Variants in ANKRD28 observed in about 807,000 individuals in gnomAD.
The protein encoded by ANKRD28 is serine/threonine-protein phosphatase 6 regulatory ankyrin repeat subunit A.
ANKRD28 carries 44 observed loss-of-function variants against 126.5 expected under a neutral mutation model. The observed-to-expected ratio is 0.35, with a 90% CI of 0.27 to 0.45. ANKRD28 has a LOEUF of 0.45. Among genes scored for constraint, ANKRD28 ranks in the 20% least tolerant of loss-of-function variants. ANKRD28 has a pLI of 1.00. For synonymous variants in ANKRD28, 442 were observed against 468.5 expected (o/e 0.94, Z 0.73); for missense variants, 1,110 against 1,316.6 (o/e 0.84, Z 2.43).
At chr3:15,784,400 G>A (rs925530178) in intron 2 of ANKRD28, among the ~76,000 whole-genome samples, 7 of 151,856 alleles carry the variant, frequency 4.6e-5, no homozygotes, top group Non-Finnish European at 1.5e-5. Flanking sequence ...GGATTCTTTT[G>A]TTGTTAGATC....
chr3:15,676,983 G>C lies in ANKRD28; in HGVS notation c.2864C>G (p.Ala955Gly), dbSNP rs998010675. 2 of 1,611,124 alleles carry C rather than the reference G, an allele frequency of 1.2e-6. No homozygotes were observed. Among genetic ancestry groups the C allele is most frequent in the African/African-American group, 1.3e-5 (1 of 74,412 alleles). Residue 955 changes from alanine (A) to glycine (G), a missense_variant, in exon 26 of 28, where the codon GCC (alanine) becomes GGC (glycine). Transcript: ENST00000683139. ...DRNLINATNA[A>G]LQTPLHVAAR... ...TACTGACAGTACTCACGTTTGCAAG[G>C]CTGCGTTGGTTGCATTGATGAGGTT... is the stretch of plus-strand genomic sequence containing the variant.
At chr3:15,804,299 G>C (rs1472444564) in intron 1 of ANKRD28, among the ~76,000 whole-genome samples, 2 of 145,396 alleles carry the variant, frequency 1.4e-5, no homozygotes, top group Non-Finnish European at 3.0e-5. Flanking sequence ...TCATAGGAAA[G>C]AGTGTAGCAT....
intron 1 of ANKRD28, among the ~76,000 whole-genome samples, chr3:15,819,487 G>A (rs1377222772): frequency 1.3e-5 from 2 of 152,054 alleles, no homozygotes; most frequent in East Asian, 3.9e-4. Flanking sequence ...GGAAAATGAG[G>A]GTAACTGATA....
At chr3:15,703,123 G>A (rs1575253513) in intron 14 of ANKRD28, among the ~76,000 whole-genome samples, 1 of 151,990 alleles carries the variant, frequency 6.6e-6, no homozygotes, top group Non-Finnish European at 1.5e-5. Context: ...ACATACAAAA[G>A]GCAAATATAT....
At chr3:15,787,806 A>G (rs1374603161) in intron 2 of ANKRD28, among the ~76,000 whole-genome samples, 1 of 152,236 alleles carries the variant, frequency 6.6e-6, no homozygotes, top group Admixed American at 6.5e-5. Context: ...GTATTTGCTG[A>G]GCACTTCATG....
chr3:15,802,467 T>C (rs891959662), upstream of ANKRD28, among the ~76,000 whole-genome samples: 1 of 152,242 alleles, frequency 6.6e-6, no homozygotes, highest in African/African-American at 2.4e-5. Flanking sequence ...CTCTAAATGA[T>C]AATCTTACTC....
At position 15,679,368 on chromosome 3, in the gene ANKRD28, C is replaced by T. The variant is rs2067282755; in HGVS notation, c.2494G>A (p.Gly832Ser). Residue 832 changes from glycine (G) to serine (S), a missense_variant, in exon 23 of 28, where the codon GGT becomes AGT. Coordinates refer to ENST00000683139, the MANE Select transcript of ANKRD28 (RefSeq NM_001349278.2). Reference sequence around the variant, plus strand: ...GTATCAATTAACATCTCAGCAGCACCTTCGTTGTCATTTATCCTGTGTAAG... The same window carrying T: ...GTATCAATTAACATCTCAGCAGCACTTTCGTTGTCATTTATCCTGTGTAAG... The part of the protein sequence containing the change: ...LHCAVINDNE[G>S]AAEMLIDTLG... 1.2e-6 allele frequency: 2 copies of T among 1,613,858 alleles called. No homozygotes were observed. Among genetic ancestry groups the T allele is most frequent in the African/African-American group, 1.3e-5 (1 of 74,900 alleles).
rs1292672269 is a variant in ANKRD28, at chr3:15,859,553, C to A, written c.-150G>T. On this transcript the variant is annotated 5_prime_UTR_variant, in exon 1 of 28. Transcript: ENST00000399451. ...CGACTGCGCTGAGAAGACCTGCGGG[C>A]AGGGGGCGGCGCCGCCTCCCCGGCC... 2 of 470,532 alleles carry A rather than the reference C, an allele frequency of 4.3e-6. 1 individual carries two copies. The highest frequency in any genetic ancestry group is 1.8e-4 in the South Asian group (2 of 11,322). The allele number at this position is 470,532 out of a possible 1,614,324, so 29.1% of individuals were successfully genotyped here. A position where few individuals can be genotyped will look rare whatever the true frequency, so the allele number is the denominator to read the frequency against.
chr3:15,739,861 A>G (rs2075316030), intron 4 of ANKRD28, among the ~76,000 whole-genome samples: 1 of 152,220 alleles, frequency 6.6e-6, no homozygotes, highest in South Asian at 2.1e-4. Flanking sequence ...TCGAATTGCT[A>G]AGGAAGTCAG....
intron 2 of ANKRD28, among the ~76,000 whole-genome samples, chr3:15,773,136 A>T (rs1486146575): frequency 7.4e-6 from 1 of 135,910 alleles, no homozygotes; most frequent in Non-Finnish European, 1.5e-5. Flanking sequence ...CAAGGAATCT[A>T]AAAAAAAAAA....
At chr3:15,824,731 G>A (rs2061021700) in intron 1 of ANKRD28, among the ~76,000 whole-genome samples, 1 of 152,250 alleles carries the variant, frequency 6.6e-6, no homozygotes, top group South Asian at 2.1e-4. Flanking sequence ...TGTGCTGAGT[G>A]TGTGCATGTG....
rs1408651118 is a variant in ANKRD28 at position 15,830,660 on chromosome 3, T to C, written c.27+28717A>G. Among the ~76,000 whole-genome samples the C allele has an allele frequency of 6.6e-6, 1 of 150,886 alleles. No individual in the cohort carries two copies. Among genetic ancestry groups the C allele is most frequent in the Non-Finnish European group, 1.5e-5 (1 of 67,836 alleles). ...AAAACACTGGGGACTGCTGCAGTAA[T>C]GGATTAATTTTGGCCAAAGAAAGGT... On this transcript the variant is annotated intron_variant, in intron 1 of 27. Coordinates refer to the ANKRD28 transcript ENST00000399451. The surrounding 1 kb of genome is among the most constrained non-coding windows in gnomAD (Gnocchi z 4.5).
rs1262699309 is a variant in ANKRD28, at chr3:15,780,128, T to C, written c.202-13816A>G. Among the ~76,000 whole-genome samples, 6 of 151,968 alleles carry C rather than the reference T, an allele frequency of 3.9e-5. No individual in the cohort carries two copies. In the East Asian group the frequency reaches 1.2e-3, roughly 29 times the overall value. On this transcript the variant is annotated intron_variant, in intron 2 of 27. Coordinates refer to ENST00000683139, the MANE Select transcript of ANKRD28 (RefSeq NM_001349278.2). ...GGCATCCTAATAAAAAAGAAAGAAA[T>C]GAAATTTTATTTGCAGACATGATCT...
intron 3 of ANKRD28, among the ~76,000 whole-genome samples, chr3:15,753,732 C>G (rs1201561802): frequency 7.0e-6 from 1 of 142,804 alleles, no homozygotes; most frequent in African/African-American, 3.0e-5. Flanking sequence ...TGCTTGAAGA[C>G]AGGAGTTCAA....
intron 17 of ANKRD28, 39 bp from the exon 18 acceptor site, chr3:15,690,259 T>C (rs2068620580): frequency 6.8e-7 from 1 of 1,465,998 alleles, no homozygotes; most frequent in Non-Finnish European, 9.2e-7. Flanking sequence ...AACATACATA[T>C]TTAGACTGAC....
chr3:15,696,061 T>G, intron 15 of ANKRD28, 73 bp downstream of exon 15: 1 of 1,028,074 alleles, frequency 9.7e-7, no homozygotes, highest in Non-Finnish European at 1.4e-6. Context: ...CTTGATCCAT[T>G]TATTCTCATT....
chr3:15,853,027 A>T lies in ANKRD28; in HGVS notation c.27+6350T>A, dbSNP rs1057225887. Among the ~76,000 whole-genome samples, 5 of 152,110 alleles carry T rather than the reference A, an allele frequency of 3.3e-5. No individual in the cohort carries two copies. The highest frequency in any genetic ancestry group is 1.2e-4 in the African/African-American group (5 of 41,404). On this transcript the variant is annotated intron_variant, in intron 1 of 27. Transcript: ENST00000399451. The surrounding 1 kb of genome is among the most constrained non-coding windows in gnomAD (Gnocchi z 4.2). The stretch of plus-strand genomic sequence containing the variant: ...AAGGAGGGTGGATGAATAATTTAAT[A>T]GCATAACTAAGAATTGGGGATGAGG...
At chr3:15,808,566 C>A (rs143993960) in intron 1 of ANKRD28, among the ~76,000 whole-genome samples, 12 of 152,304 alleles carry the variant, frequency 7.9e-5, no homozygotes, top group African/African-American at 2.4e-4. Context: ...ATCAAATCTT[C>A]AAGACTTTGC....
Position 15,838,372 on chromosome 3 carries a change from T to C in ANKRD28, c.27+21005A>G, listed in dbSNP as rs977180168. On this transcript the variant is annotated intron_variant, in intron 1 of 27. Coordinates refer to the ANKRD28 transcript ENST00000399451. This position sits in a 1 kb window ranked among gnomAD's most constrained non-coding sequence, Gnocchi z 4.0. ...GCAAACCAAATCCAGCAGCATACAA[T>C]AGGAATCATACAAATTGGCTATTCT... is the stretch of plus-strand genomic sequence containing the variant. Among the ~76,000 whole-genome samples, 5 of 152,146 alleles carry C rather than the reference T, an allele frequency of 3.3e-5. No homozygotes were observed. The East Asian group carries it at 7.7e-4, about 23-fold the overall frequency.
Sources: gnomAD v4.1 joint callset for allele counts (sites outside exome capture counted in the v4.1 genomes callset) on GRCh38, gnomAD v4.1.1 for gene constraint, Gnocchi (gnomAD v3.1) non-coding constraint, MANE v1.5 for transcripts, NCBI Gene and HGNC (gene_info 2026-07-23, HGNC 2026-07-21) for gene names.